The following BTBD7 variants were observed in gnomAD, a reference collection of about 807,000 sequenced individuals.
The protein encoded by BTBD7 is BTB domain containing 7.
Under a neutral mutation model 99.9 loss-of-function variants are expected in BTBD7, and 38 were observed. The ratio of observed to expected loss-of-function variants is 0.38; its 90% CI spans 0.29 to 0.50. BTBD7 has a LOEUF of 0.50. BTBD7 is among the 20% of genes least tolerant of loss of function. The pLI is 0.93. For missense variants in BTBD7, 1,170 were observed against 1,394.6 expected (o/e 0.84, Z 2.57); for synonymous variants, 520 against 511.4 (o/e 1.02, Z -0.23).
Position 93,246,244 on chromosome 14 carries a change from T to C in BTBD7, c.2164A>G (p.Ser722Gly), listed in dbSNP as rs2052308339. The C allele has an allele frequency of 6.5e-7, 1 of 1,543,028 alleles. No individual in the cohort carries two copies. Among genetic ancestry groups the C allele is most frequent in the Non-Finnish European group, 8.7e-7 (1 of 1,144,040 alleles). ...GGCTGTCTCATTGTCAAGAGTGGAC[T>C]TTCATCCCCAAAACGTTCATCAGGA... ...FFPDERFGDESPLLTMRQPGR... is the reference protein window; with the variant it reads ...FFPDERFGDEGPLLTMRQPGR... The change falls in exon 10 of 11, where the codon AGT becomes GGT. Residue 722 changes from serine (S) to glycine (G), a missense_variant. Physicochemically the swap from Ser to Gly is moderately conservative, Grantham distance 56 (BLOSUM62 0). This residue lies in a region of BTBD7 where 495 missense variants were observed against 525.9 expected (regional missense o/e 0.94). Coordinates refer to ENST00000334746, the MANE Select transcript of BTBD7 (RefSeq NM_001002860.4).
chr14:93,331,034 G>GA (rs1288287920), intron 1 of BTBD7, among the ~76,000 whole-genome samples: 1 of 152,006 alleles, frequency 6.6e-6, no homozygotes, highest in Non-Finnish European at 1.5e-5. Context: ...AAAACTGGGT[G>GA]AAAATGTAGT....
intron 4 of BTBD7, among the ~76,000 whole-genome samples, chr14:93,262,597 G>T (rs1025700730): frequency 2.6e-5 from 4 of 152,066 alleles, no homozygotes; most frequent in Non-Finnish European, 5.9e-5. Flanking sequence ...TAGGGTATAG[G>T]CAGAGTAACT....
Position 93,245,869 on chromosome 14 carries a change from A to AGGTGGT in BTBD7, c.2533_2538dup (p.Thr845_Thr846dup), listed in dbSNP as rs754955079. ...GCTGCTGCTGCTGCTGTTGCTGTTG[A>AGGTGGT]GGTGGTGGTGGCGGCAGCAGCAGCC... On this transcript the variant is annotated inframe_insertion, in exon 10 of 11. Coordinates refer to ENST00000334746, the MANE Select transcript of BTBD7 (RefSeq NM_001002860.4). The AGGTGGT allele has an allele frequency of 1.5e-5, 25 of 1,613,420 alleles. No homozygotes were observed. In the East Asian group the frequency reaches 5.3e-4, roughly 35 times the overall value.
intron 9 of BTBD7, 94 bp from the exon 10 acceptor site, chr14:93,246,380 G>T (rs996608522): frequency 1.6e-6 from 2 of 1,248,690 alleles, no homozygotes; most frequent in Non-Finnish European, 2.1e-6. Flanking sequence ...AGGTACTTAA[G>T]AAAACCACAG....
intron 4 of BTBD7, among the ~76,000 whole-genome samples, chr14:93,262,133 A>ATT (rs747240844): frequency 2.8e-5 from 4 of 140,684 alleles, no homozygotes; most frequent in Admixed American, 7.2e-5. Flanking sequence ...CACCCAGCTA[A>ATT]TTTTTTTTTT....
At chr14:93,307,982 G>A (rs2139797572) in intron 1 of BTBD7, among the ~76,000 whole-genome samples, 1 of 152,248 alleles carries the variant, frequency 6.6e-6, no homozygotes, top group African/African-American at 2.4e-5. Flanking sequence ...CACAGTCTAA[G>A]CCTCTTAGAA....
At chr14:93,255,467 A>C (rs1595290421) in intron 6 of BTBD7, 1 of 151,958 alleles carries the variant, frequency 6.6e-6, no homozygotes, top group East Asian at 1.9e-4. Flanking sequence ...ACATAGTTGA[A>C]TTTAAGAATA....
At chr14:93,288,175 T>G (rs1312100375) in intron 3 of BTBD7, 1 of 257,780 alleles carries the variant, frequency 3.9e-6, no homozygotes, top group Non-Finnish European at 7.2e-6. Context: ...AAAAAGAAAC[T>G]TTTTATATAG....
intron 7 of BTBD7, 142 bp from the exon 8 acceptor site, chr14:93,251,794 A>C: frequency 1.4e-6 from 1 of 733,718 alleles, no homozygotes; most frequent in Non-Finnish European, 1.9e-6. Flanking sequence ...TGGTGAAAGA[A>C]AGTTCCCCTA....
intron 1 of BTBD7, among the ~76,000 whole-genome samples, chr14:93,328,949 G>T (rs1262057267): frequency 6.6e-6 from 1 of 152,106 alleles, no homozygotes; most frequent in Non-Finnish European, 1.5e-5. Context: ...TAGGGGAAAA[G>T]CTTCCTGACA....
chr14:93,325,428 TG>T (rs1223674563), intron 1 of BTBD7, among the ~76,000 whole-genome samples: 1 of 124,270 alleles, frequency 8.0e-6, no homozygotes, highest in Admixed American at 7.5e-5. Flanking sequence ...GTGTCTGGCC[TG>T]TTTTTTAAGA....
chr14:93,258,017 G>A (rs1163745230), intron 5 of BTBD7, among the ~76,000 whole-genome samples: 1 of 151,934 alleles, frequency 6.6e-6, no homozygotes, highest in East Asian at 1.9e-4. Context: ...TGAAATACAT[G>A]TATGCTTATG....
At chr14:93,292,537 G>A (rs568413240) in intron 3 of BTBD7, among the ~76,000 whole-genome samples, 33 of 152,048 alleles carry the variant, frequency 2.2e-4, no homozygotes, top group Non-Finnish European at 4.1e-4. Flanking sequence ...ATTATAAAAG[G>A]ATTATGGTAA....
At chr14:93,321,530 T>C (rs763935952) in intron 1 of BTBD7, among the ~76,000 whole-genome samples, 6 of 151,990 alleles carry the variant, frequency 3.9e-5, no homozygotes, top group African/African-American at 9.6e-5. Flanking sequence ...GAGGTGGAGG[T>C]TGCAGTGAGC....
intron 8 of BTBD7, among the ~76,000 whole-genome samples, chr14:93,250,273 A>C (rs754608843): frequency 1.6e-4 from 24 of 152,314 alleles, no homozygotes; most frequent in Non-Finnish European, 3.2e-4. Flanking sequence ...CTTATTTGAG[A>C]ATGTCTAGAC....
chr14:93,282,620 C>T (rs762655318), intron 3 of BTBD7, among the ~76,000 whole-genome samples: 6 of 152,104 alleles, frequency 3.9e-5, no homozygotes, highest in Admixed American at 6.6e-5. Context: ...CACGAGCCAC[C>T]GCACCCGGCC....
chr14:93,305,296 T>C (rs758105569), intron 1 of BTBD7, among the ~76,000 whole-genome samples: 12 of 152,194 alleles, frequency 7.9e-5, no homozygotes, highest in Admixed American at 6.5e-5. Context: ...TAAAGAATCT[T>C]TGTTGGCATG....
intron 1 of BTBD7, among the ~76,000 whole-genome samples, chr14:93,298,311 T>C (rs2052954457): frequency 6.6e-6 from 1 of 152,148 alleles, no homozygotes; most frequent in Non-Finnish European, 1.5e-5. Flanking sequence ...GCATCCCTAA[T>C]CAGAAAATCC....
rs1465954106 is a variant in BTBD7, at chr14:93,237,581, C to CTA, written c.*4690_*4691dup. On this transcript the variant is annotated 3_prime_UTR_variant, in exon 11 of 11. Transcript: ENST00000334746. ...ACAAGCCATTTATTTGAAATGCCAACTATATGTAGGATAAAGTCAGTGTTA... is the reference window on the plus strand; with the variant it reads ...ACAAGCCATTTATTTGAAATGCCAACTATATATGTAGGATAAAGTCAGTGTTA... 1 of 152,554 alleles carries CTA rather than the reference C, an allele frequency of 6.6e-6. No homozygotes were observed. The highest frequency in any genetic ancestry group is 1.5e-5 in the Non-Finnish European group (1 of 68,022). The allele number at this position is 152,554 out of a possible 1,614,324, so 9.5% of individuals were successfully genotyped here.
Sources: gnomAD v4.1 joint callset for allele counts (sites outside exome capture counted in the v4.1 genomes callset) on GRCh38, gnomAD v4.1.1 for gene constraint, gnomAD v4.1.1 regional missense constraint, MANE v1.5 for transcripts, NCBI Gene and HGNC (gene_info 2026-07-23, HGNC 2026-07-21) for gene names.